The following TMEM132D variants were observed in gnomAD, a reference collection of about 807,000 sequenced individuals.
TMEM132D encodes the protein mature OL transmembrane protein.
A neutral mutation model predicts 62.3 loss-of-function variants in TMEM132D; 21 were observed. The ratio of observed to expected loss-of-function variants is 0.34; its 90% CI spans 0.24 to 0.49. The LOEUF (loss-of-function observed/expected upper bound fraction) is 0.49, where lower values mean the gene tolerates loss of function less well. Among genes scored for constraint, TMEM132D ranks in the 20% least tolerant of loss-of-function variants. The pLI is 0.99. For synonymous variants in TMEM132D, 621 were observed against 575.6 expected (o/e 1.08, Z -1.13); for missense variants, 1,346 against 1,402.8 (o/e 0.96, Z 0.65).
At chr12:129,439,095 C>T (rs1434080045) in intron 3 of TMEM132D, among the ~76,000 whole-genome samples, 2 of 152,104 alleles carry the variant, frequency 1.3e-5, no homozygotes, top group African/African-American at 2.4e-5. Flanking sequence ...AGACTTTCCT[C>T]GACAGTCAAT....
chr12:129,572,954 G>A (rs1393890101), intron 2 of TMEM132D, among the ~76,000 whole-genome samples: 1 of 152,162 alleles, frequency 6.6e-6, no homozygotes, highest in Non-Finnish European at 1.5e-5. Context: ...ATTGAGAACT[G>A]TTGTTTCAGT....
At position 129,280,870 on chromosome 12, in the gene TMEM132D, A is replaced by G. The variant is rs184708901; in HGVS notation, c.1299+56764T>C. 3.9e-3 allele frequency among the ~76,000 whole-genome samples: 598 copies of G among 152,072 alleles called. 7 individuals carry two copies. The highest frequency in any genetic ancestry group is 0.013 in the African/African-American group (556 of 41,482). On this transcript the variant is annotated intron_variant, in intron 4 of 8. Transcript: ENST00000422113. ...TATATCCTATTGGTTTTGTTTCTCC[A>G]GAGAAACTTAATACAGGATTCTAGT... is the stretch of plus-strand genomic sequence containing the variant.
At chr12:129,481,510 A>G (rs1475086168) in intron 3 of TMEM132D, among the ~76,000 whole-genome samples, 1 of 150,144 alleles carries the variant, frequency 6.7e-6, no homozygotes, top group Non-Finnish European at 1.5e-5. Context: ...ACTAACCTAT[A>G]AACAGAGAAA....
At chr12:129,703,215 C>T (rs998351468) in intron 1 of TMEM132D, among the ~76,000 whole-genome samples, 1 of 152,178 alleles carries the variant, frequency 6.6e-6, no homozygotes, top group Non-Finnish European at 1.5e-5. Context: ...CATCTGACCC[C>T]GACTACTTGA....
At chr12:129,587,194 G>T (rs1028865216) in intron 2 of TMEM132D, among the ~76,000 whole-genome samples, 1 of 152,136 alleles carries the variant, frequency 6.6e-6, no homozygotes, top group Non-Finnish European at 1.5e-5. Context: ...ATACACCATG[G>T]AATACTATGC....
At chr12:129,477,251 A>C (rs1291848434) in intron 3 of TMEM132D, among the ~76,000 whole-genome samples, 2 of 152,126 alleles carry the variant, frequency 1.3e-5, no homozygotes, top group Non-Finnish European at 2.9e-5. Flanking sequence ...GTAAGATGAG[A>C]CGTTTGATTT....
At position 129,797,164 on chromosome 12, in the gene TMEM132D, C is replaced by T. The variant is rs529610254; in HGVS notation, c.80-96466G>A. On this transcript the variant is annotated intron_variant, in intron 1 of 8. Coordinates refer to ENST00000422113, the MANE Select transcript of TMEM132D (RefSeq NM_133448.3). The stretch of plus-strand genomic sequence containing the variant: ...GAATTTCCCCACAGCCCAGGCATCG[C>T]GGGAGGGTGGCAATGGCTTCTGAGG... 5.8e-4 allele frequency among the ~76,000 whole-genome samples: 89 copies of T among 152,260 alleles called. No individual in the cohort carries two copies. The South Asian group carries it at 0.017, about 29-fold the overall frequency.
chr12:129,461,813 C>T (rs79471672), intron 3 of TMEM132D, among the ~76,000 whole-genome samples: 2 of 152,002 alleles, frequency 1.3e-5, no homozygotes, highest in Admixed American at 1.3e-4. Flanking sequence ...AGATAATCAG[C>T]AGGTACATAG....
At chr12:129,694,769 GA>G (rs1565951498) in intron 2 of TMEM132D, among the ~76,000 whole-genome samples, 1 of 152,200 alleles carries the variant, frequency 6.6e-6, no homozygotes, top group Non-Finnish European at 1.5e-5. Flanking sequence ...AGCACTTTGG[GA>G]GGCTGAGGCG....
intron 1 of TMEM132D, among the ~76,000 whole-genome samples, chr12:129,708,631 ACACACACAC>A (rs1304612020): frequency 6.1e-4 from 43 of 70,874 alleles, no homozygotes; most frequent in South Asian, 4.6e-3. Flanking sequence ...AAAAAAAAAA[ACACACACAC>A]ACACACACAC....
chr12:129,090,988 AG>A (rs1419431518), intron 5 of TMEM132D, among the ~76,000 whole-genome samples: 1 of 152,220 alleles, frequency 6.6e-6, no homozygotes, highest in Non-Finnish European at 1.5e-5. Flanking sequence ...AGAAAACAGA[AG>A]GGGAGGGAGC....
rs1340831047 is a variant in TMEM132D, at chr12:129,337,821, G to T, written c.1116-4C>A. 2 of 1,602,428 alleles carry T rather than the reference G, an allele frequency of 1.2e-6. No individual in the cohort carries two copies. The highest frequency in any genetic ancestry group is 2.7e-5 in the African/African-American group (2 of 74,750). On this transcript the variant is annotated splice_region_variant and splice_polypyrimidine_tract_variant and intron_variant, in intron 3 of 8. Coordinates refer to ENST00000422113, the MANE Select transcript of TMEM132D (RefSeq NM_133448.3). ...CTCGTAGGAGGCGCCATCCGCACTG[G>T]AGAGAAGACACAGAGGAGAACAGCT...
intron 7 of TMEM132D, among the ~76,000 whole-genome samples, chr12:129,079,251 C>T (rs941000515): frequency 3.3e-5 from 5 of 152,134 alleles, no homozygotes; most frequent in East Asian, 1.9e-4. Flanking sequence ...ATCTCAATCA[C>T]GCGTGTCACT....
chr12:129,545,344 T>G (rs1384139031), intron 2 of TMEM132D, among the ~76,000 whole-genome samples: 1 of 152,242 alleles, frequency 6.6e-6, no homozygotes, highest in Non-Finnish European at 1.5e-5. Flanking sequence ...AGACATCCAG[T>G]TCTCTGCTAG....
chr12:129,183,563 A>G lies in TMEM132D; in HGVS notation c.1443+25957T>C, dbSNP rs546601939. 3.9e-5 allele frequency among the ~76,000 whole-genome samples: 6 copies of G among 152,348 alleles called. No individual in the cohort carries two copies. In the South Asian group the frequency reaches 6.2e-4, roughly 16 times the overall value. On this transcript the variant is annotated intron_variant, in intron 5 of 8. Coordinates refer to ENST00000422113, the MANE Select transcript of TMEM132D (RefSeq NM_133448.3). Reference sequence around the variant, plus strand: ...TGTTTTGGGCCTGAGGTTGATGCCAACGGTCTTTCAGCCACACGGGACTTG... The same window carrying G: ...TGTTTTGGGCCTGAGGTTGATGCCAGCGGTCTTTCAGCCACACGGGACTTG...
chr12:129,707,640 G>A (rs530389288), intron 1 of TMEM132D, among the ~76,000 whole-genome samples: 7 of 152,204 alleles, frequency 4.6e-5, no homozygotes, highest in Non-Finnish European at 8.8e-5. Flanking sequence ...TGACTCATAT[G>A]TGCCATCAAT....
Position 129,700,291 on chromosome 12 carries a change from C to T in TMEM132D, c.487G>A (p.Glu163Lys), listed in dbSNP as rs1018201450. 6.2e-7 allele frequency: 1 copy of T among 1,613,656 alleles called. No homozygotes were observed. The highest frequency in any genetic ancestry group is 1.1e-5 in the South Asian group (1 of 91,084). The change falls in exon 2 of 9, where the codon GAG (glutamate) becomes AAG (lysine). Residue 163 changes from glutamate to lysine, a missense_variant. Glu to Lys is a moderately conservative substitution (Grantham distance 56). Transcript: ENST00000422113. ...AAGACCCTCAGGCACGGCAGCTTCT[C>T]CCCGGCGCTGCGGTCGTCCCAGTCT... Reference protein sequence around the residue: ...GRDWDDRSAGEKLPCLRVFAF... With the variant: ...GRDWDDRSAGKKLPCLRVFAF...
At chr12:129,518,511 A>G (rs895032652) in intron 3 of TMEM132D, among the ~76,000 whole-genome samples, 4 of 146,026 alleles carry the variant, frequency 2.7e-5, no homozygotes, top group Non-Finnish European at 4.7e-5. Flanking sequence ...GTGTGTGTGT[A>G]TATATATGTG....
intron 3 of TMEM132D, among the ~76,000 whole-genome samples, chr12:129,418,352 C>G (rs1872191103): frequency 6.6e-6 from 1 of 152,174 alleles, no homozygotes; most frequent in South Asian, 2.1e-4. Context: ...AAAAGTGACA[C>G]ATATACACCA....
Sources: allele counts gnomAD v4.1 joint callset (sites outside exome capture counted in the v4.1 genomes callset), GRCh38; gene constraint gnomAD v4.1.1; transcripts MANE v1.5; gene names NCBI Gene and HGNC (gene_info 2026-07-23, HGNC 2026-07-21).